SCFD2: variants seen among roughly 807,000 people sequenced by gnomAD.
The protein encoded by SCFD2 is sec1 family domain containing 2.
A neutral mutation model predicts 58.9 loss-of-function variants in SCFD2; 54 were observed. The ratio of observed to expected loss-of-function variants is 0.92; its 90% confidence interval spans 0.74 to 1.15. The LOEUF is 1.15. SCFD2 is among the 50% of genes most tolerant of loss of function. The pLI is 0.00. For synonymous variants in SCFD2, 321 were observed against 335.9 expected (o/e 0.96, Z 0.49); for missense variants, 805 against 836.6 (o/e 0.96, Z 0.47).
At chr4:53,238,281 G>A (rs1297729599) in intron 4 of SCFD2, among the ~76,000 whole-genome samples, 3 of 51,502 alleles carry the variant, frequency 5.8e-5, no homozygotes, top group African/African-American at 2.3e-4. Flanking sequence ...TCACCTCCTG[G>A]ACGGGGCAGC....
intron 6 of SCFD2, among the ~76,000 whole-genome samples, chr4:52,916,442 C>T (rs371123319): frequency 2.6e-4 from 40 of 152,158 alleles, no homozygotes; most frequent in East Asian, 2.1e-3. Context: ...GGCATGATGG[C>T]GCGCGCCTGT....
At chr4:52,989,777 G>C (rs1366914501) in intron 5 of SCFD2, among the ~76,000 whole-genome samples, 1 of 152,042 alleles carries the variant, frequency 6.6e-6, no homozygotes, top group Non-Finnish European at 1.5e-5. Flanking sequence ...CTTTTCTGTT[G>C]GTTGCTAATG....
chr4:52,875,028 G>A (rs776169210), intron 8 of SCFD2, among the ~76,000 whole-genome samples: 6 of 152,286 alleles, frequency 3.9e-5, no homozygotes, highest in South Asian at 2.1e-4. Flanking sequence ...AAATAGATAC[G>A]TTTATTTTTC....
At chr4:52,938,925 A>G (rs1720214577) in intron 5 of SCFD2, among the ~76,000 whole-genome samples, 1 of 152,156 alleles carries the variant, frequency 6.6e-6, no homozygotes, top group South Asian at 2.1e-4. Flanking sequence ...TTGGGCAGTA[A>G]AACATGAGTG....
intron 3 of SCFD2, among the ~76,000 whole-genome samples, chr4:53,309,733 G>C (rs1732631049): frequency 6.6e-6 from 1 of 152,148 alleles, no homozygotes; most frequent in South Asian, 2.1e-4. Context: ...AGAAAGAAAG[G>C]AGAAATAATC....
At chr4:53,048,797 C>G (rs1055323823) in intron 5 of SCFD2, among the ~76,000 whole-genome samples, 3 of 152,128 alleles carry the variant, frequency 2.0e-5, no homozygotes, top group Non-Finnish European at 4.4e-5. Flanking sequence ...CCTCCAACTC[C>G]CAGTGCCCCT....
rs1005969122 is a variant in SCFD2, at chr4:53,365,479, G to C, written c.463C>G (p.His155Asp). 5.0e-6 allele frequency: 8 copies of C among 1,614,058 alleles called. No homozygotes were observed. Among genetic ancestry groups the C allele is most frequent in the African/African-American group, 1.3e-5 (1 of 74,936 alleles). Residue 155 changes from histidine to aspartate, a missense_variant, in exon 1 of 9, where the codon CAT (histidine) becomes GAT (aspartate). Physicochemically the swap from His to Asp is moderately conservative, Grantham distance 81. Transcript: ENST00000401642. This position sits in a 1 kb window ranked among gnomAD's most constrained non-coding sequence, Gnocchi z 4.3. ...GNMNYTAEVF[H>D]VPLLLAPVAP... Reference sequence around the variant, plus strand: ...ACAGGGGCAAGCAATAACGGGACATGGAACACCTCGGCCGTGTAGTTCATG... The same window carrying C: ...ACAGGGGCAAGCAATAACGGGACATCGAACACCTCGGCCGTGTAGTTCATG...
At chr4:52,929,795 A>C (rs1191085293) in intron 5 of SCFD2, among the ~76,000 whole-genome samples, 2 of 152,184 alleles carry the variant, frequency 1.3e-5, no homozygotes, top group Non-Finnish European at 2.9e-5. Context: ...CTAGGAATCC[A>C]ACTTACAAGG....
intron 5 of SCFD2, among the ~76,000 whole-genome samples, chr4:53,138,003 T>A (rs1257539905): frequency 6.6e-6 from 1 of 152,174 alleles, no homozygotes; most frequent in Non-Finnish European, 1.5e-5. Flanking sequence ...CATAAGAGTC[T>A]CGTCCACTTA....
intron 3 of SCFD2, among the ~76,000 whole-genome samples, chr4:53,286,165 C>T (rs1422191833): frequency 2.0e-5 from 3 of 152,142 alleles, no homozygotes; most frequent in Non-Finnish European, 4.4e-5. Context: ...AGGGGCACTC[C>T]ATCTCCTGGA....
intron 4 of SCFD2, among the ~76,000 whole-genome samples, chr4:53,224,128 C>T (rs1208417922): frequency 1.3e-5 from 2 of 152,132 alleles, no homozygotes; most frequent in East Asian, 1.9e-4. Context: ...CAGTGATTCA[C>T]GCCTGTAATC....
At chr4:53,155,674 A>G (rs144031083) in intron 4 of SCFD2, among the ~76,000 whole-genome samples, 1 of 151,848 alleles carries the variant, frequency 6.6e-6, no homozygotes, top group African/African-American at 2.4e-5. Flanking sequence ...GATAGAGAAG[A>G]AAGACACAGA....
chr4:53,212,641 G>T (rs1289664891), intron 4 of SCFD2, among the ~76,000 whole-genome samples: 1 of 150,652 alleles, frequency 6.6e-6, no homozygotes, highest in Non-Finnish European at 1.5e-5. Context: ...ACGTGGAAGG[G>T]ATAAAGAACT....
intron 5 of SCFD2, among the ~76,000 whole-genome samples, chr4:52,922,520 C>T (rs1486875921): frequency 4.6e-5 from 7 of 152,148 alleles, no homozygotes. Context: ...ATTAATACTT[C>T]ATTTCTTATT....
At chr4:52,915,857 A>C (rs975871566) in intron 6 of SCFD2, among the ~76,000 whole-genome samples, 2 of 152,224 alleles carry the variant, frequency 1.3e-5, no homozygotes, top group South Asian at 2.1e-4. Context: ...AGAACTTAGC[A>C]CTTGGAAAAG....
intron 3 of SCFD2, among the ~76,000 whole-genome samples, chr4:53,311,717 C>A (rs1306353394): frequency 2.6e-5 from 4 of 151,796 alleles, no homozygotes; most frequent in African/African-American, 9.7e-5. Context: ...CTCACTGGAA[C>A]CTCTGCCTTC....
chr4:53,173,225 C>A lies in SCFD2; in HGVS notation c.1312-27643G>T, dbSNP rs542346941. Reference sequence around the variant, plus strand: ...CATCATAAGTTGAAAATATTATAAACAATGTAAATCAAAAGTGCATTTTTG... The same window carrying A: ...CATCATAAGTTGAAAATATTATAAAAAATGTAAATCAAAAGTGCATTTTTG... On this transcript the variant is annotated intron_variant, in intron 4 of 8. Coordinates refer to ENST00000401642, the MANE Select transcript of SCFD2 (RefSeq NM_152540.4). 1.2e-3 allele frequency among the ~76,000 whole-genome samples: 184 copies of A among 152,134 alleles called. 3 individuals carry two copies. Among genetic ancestry groups the A allele is most frequent in the Non-Finnish European group, 3.5e-4 (24 of 67,956 alleles).
chr4:53,000,141 T>G (rs1168181813), intron 5 of SCFD2, among the ~76,000 whole-genome samples: 1 of 152,194 alleles, frequency 6.6e-6, no homozygotes, highest in Non-Finnish European at 1.5e-5. Flanking sequence ...GACTGCAAAC[T>G]CAAGTGCTTT....
At chr4:53,317,267 C>G (rs1732894702) in intron 2 of SCFD2, among the ~76,000 whole-genome samples, 1 of 152,160 alleles carries the variant, frequency 6.6e-6, no homozygotes, top group African/African-American at 2.4e-5. Flanking sequence ...TTAAGGTTCT[C>G]TGAATAATTG....
Sources: allele counts gnomAD v4.1 joint callset (sites outside exome capture counted in the v4.1 genomes callset), GRCh38; gene constraint gnomAD v4.1.1; non-coding constraint Gnocchi (gnomAD v3.1); transcripts MANE v1.5; gene names NCBI Gene and HGNC (gene_info 2026-07-23, HGNC 2026-07-21).